Variants in HSCB observed in about 807,000 individuals in gnomAD.
HSCB encodes the protein iron-sulfur cluster co-chaperone protein HscB.
A neutral mutation model predicts 31.3 loss-of-function variants in HSCB; 23 were observed. The observed-to-expected ratio is 0.74, with a 90% CI of 0.53 to 1.04. The LOEUF is 1.04. Among genes scored for constraint, HSCB ranks in the 50% least tolerant of loss-of-function variants. HSCB has a pLI of 0.00. For missense variants in HSCB, 297 were observed against 288.1 expected, an observed-to-expected ratio of 1.03 and a Z score of -0.22; for synonymous variants, 110 against 104.5, an observed-to-expected ratio of 1.05 and a Z score of -0.32.
At chr22:28,743,596 G>T (rs1569182610) in intron 1 of HSCB, among the ~76,000 whole-genome samples, 1 of 152,056 alleles carries the variant, frequency 6.6e-6, no homozygotes, top group Admixed American at 6.6e-5. Context: ...TCCCCATCTT[G>T]CTCCCACCTC....
At chr22:28,749,373 T>C (rs1379498210) in intron 4 of HSCB, among the ~76,000 whole-genome samples, 1 of 152,096 alleles carries the variant, frequency 6.6e-6, no homozygotes, top group Non-Finnish European at 1.5e-5. Context: ...AACCCCTCCT[T>C]CTTCAGATCT....
At chr22:28,753,555 C>T (rs1451964610) in intron 5 of HSCB, among the ~76,000 whole-genome samples, 1 of 142,288 alleles carries the variant, frequency 7.0e-6, no homozygotes, top group African/African-American at 2.6e-5. Flanking sequence ...AATTCTGACA[C>T]CAGCCGGGCA....
intron 4 of HSCB, among the ~76,000 whole-genome samples, chr22:28,747,965 C>T (rs1454936885): frequency 1.3e-5 from 2 of 152,102 alleles, no homozygotes; most frequent in Non-Finnish European, 2.9e-5. Context: ...GCAGGCAGAT[C>T]ACGAGGTCAG....
chr22:28,752,690 C>T (rs548867914), intron 5 of HSCB, among the ~76,000 whole-genome samples: 127 of 149,596 alleles, frequency 8.5e-4, no homozygotes, highest in African/African-American at 3.0e-3. Context: ...GCAGAGATCG[C>T]GCCACTGCAC....
chr22:28,742,580 T>TA, intron 1 of HSCB: 1 of 462,486 alleles, frequency 2.2e-6, no homozygotes, highest in Non-Finnish European at 3.6e-6. Flanking sequence ...GCGCTGAAGT[T>TA]AGAGGAAATA....
Position 28,751,252 on chromosome 22 carries a change from GA to G in HSCB, c.582del (p.Glu194AspfsTer6). On this transcript the variant is annotated frameshift_variant, in exon 5 of 6. Transcript: ENST00000216027. LOFTEE classifies it high-confidence loss of function. ...IESIVKAKQK[E>X]FTDNVSSAFE... The stretch of plus-strand genomic sequence containing the variant: ...GTTTTCTTTTTCAGCTAAACAGAAA[GA>G]ATTTACTGACAATGTGAGCAGTGCT... 6.3e-7 allele frequency: 1 copy of G among 1,598,202 alleles called. No individual in the cohort carries two copies. Among genetic ancestry groups the G allele is most frequent in the Non-Finnish European group, 8.6e-7 (1 of 1,169,218 alleles).
Position 28,750,945 on chromosome 22 carries a change from C to CTTTTTTTTTTT in HSCB, c.569-282_569-272dup, listed in dbSNP as rs758451182. Reference sequence around the variant, plus strand: ...GGAGATAATCAAAGTATATCTTTGTCTTTTTTTTTTTTTTTTTTTTTTTTA... The same window carrying CTTTTTTTTTTT: ...GGAGATAATCAAAGTATATCTTTGTCTTTTTTTTTTTTTTTTTTTTTTTTTTTTTTTTTTTA... On this transcript the variant is annotated intron_variant, in intron 4 of 5. Transcript: ENST00000216027. Among the ~76,000 whole-genome samples the CTTTTTTTTTTT allele has an allele frequency of 4.5e-3, 253 of 56,298 alleles. 19 individuals are homozygous for CTTTTTTTTTTT. Among genetic ancestry groups the CTTTTTTTTTTT allele is most frequent in the East Asian group, 0.033 (32 of 974 alleles). 36.9% of individuals were successfully genotyped at this position (56,298 alleles called of 152,430 possible).
chr22:28,747,439 T>C (rs1000056953), intron 4 of HSCB, among the ~76,000 whole-genome samples: 5 of 152,146 alleles, frequency 3.3e-5, no homozygotes, highest in Admixed American at 6.5e-5. Flanking sequence ...TAGCTGGGAC[T>C]ACAGGCATGC....
chr22:28,749,571 A>T (rs2030080473), intron 4 of HSCB, among the ~76,000 whole-genome samples: 1 of 152,182 alleles, frequency 6.6e-6, no homozygotes, highest in South Asian at 2.1e-4. Flanking sequence ...CTTCCCTCAC[A>T]TCCTCAGCTC....
At chr22:28,753,342 A>G (rs892871151) in intron 5 of HSCB, among the ~76,000 whole-genome samples, 11 of 146,296 alleles carry the variant, frequency 7.5e-5, no homozygotes, top group African/African-American at 2.3e-4. Flanking sequence ...CCTGGCCAAC[A>G]TGGTAAAACC....
At chr22:28,745,331 CGAG>C in intron 3 of HSCB, 1 of 115,680 alleles carries the variant, frequency 8.6e-6, no homozygotes, top group Non-Finnish European at 2.0e-5. Context: ...GGGTGGATCA[CGAG>C]GTCAGGAGTT....
chr22:28,742,137 G>C lies in HSCB; in HGVS notation c.42G>C (p.Gly14=). The change falls in exon 1 of 6, where the codon GGG becomes GGC. Residue 14 remains glycine (G), a synonymous_variant. Coordinates refer to ENST00000216027, the MANE Select transcript of HSCB (RefSeq NM_172002.5). ...CCGGGGCTTTGCTCCGGGTGTGGGG[G>C]TTTTGGCCGACAGGGGTTCCCAGAA... is the stretch of plus-strand genomic sequence containing the variant. ...GRAGALLRVW[G]FWPTGVPRRR... 6.2e-7 allele frequency: 1 copy of C among 1,612,454 alleles called. No individual in the cohort carries two copies. Among genetic ancestry groups the C allele is most frequent in the African/African-American group, 1.3e-5 (1 of 75,044 alleles).
At position 28,757,058 on chromosome 22, in the gene HSCB, A is replaced by C. The variant is rs1254664722; in HGVS notation, c.617-20A>C. On this transcript the variant is annotated intron_variant, in intron 5 of 5. Transcript: ENST00000216027. ...CTTGCTTGAAATGAAGCCTGACTTC[A>C]GTGTCTCTGTCTATTTCAGATGACT... 1 of 1,363,242 alleles carries C rather than the reference A, an allele frequency of 7.3e-7. No homozygotes were observed. Among genetic ancestry groups the C allele is most frequent in the Non-Finnish European group, 1.1e-6 (1 of 952,078 alleles). 84.4% of individuals were successfully genotyped at this position (1,363,242 alleles called of 1,614,324 possible).
Position 28,751,273 on chromosome 22 carries a change from A to C in HSCB, c.601A>C (p.Ser201Arg). ...GAAAGAATTTACTGACAATGTGAGC[A>C]GTGCTTTTGAACAAGGTACTTTCTT... ...KQKEFTDNVSSAFEQDDFEEA... is the reference protein window; with the variant it reads ...KQKEFTDNVSRAFEQDDFEEA... Residue 201 changes from serine to arginine, a missense_variant, in exon 5 of 6, where the codon AGT becomes CGT. Transcript: ENST00000216027. 1 of 1,599,864 alleles carries C rather than the reference A, an allele frequency of 6.3e-7. No individual in the cohort carries two copies. Among genetic ancestry groups the C allele is most frequent in the Non-Finnish European group, 8.5e-7 (1 of 1,170,914 alleles).
chr22:28,750,247 CAAAAAAAAAAAAAAAAAAAA>C (rs563701958), intron 4 of HSCB, among the ~76,000 whole-genome samples: 1 of 64,698 alleles, frequency 1.5e-5, no homozygotes, highest in Non-Finnish European at 3.1e-5. Context: ...GAAACTGTCT[CAAAAAAAAAAAAAAAAAAAA>C]AAAAAAAAAC....
Position 28,757,319 on chromosome 22 carries a change from T to C in HSCB, c.*150T>C. On this transcript the variant is annotated 3_prime_UTR_variant, in exon 6 of 6. Transcript: ENST00000216027. ...GGCCAACATAGTGAAACCCCGTCTC[T>C]GCTGAAAATACAAAAATTAGCCGGG... 2.1e-6 allele frequency: 1 copy of C among 481,522 alleles called. No homozygotes were observed. Among genetic ancestry groups the C allele is most frequent in the South Asian group, 2.1e-5 (1 of 48,530 alleles). The allele number at this position is 481,522 out of a possible 1,614,324, so 29.8% of individuals were successfully genotyped here.
At chr22:28,751,839 C>A (rs1026413782) in intron 5 of HSCB, among the ~76,000 whole-genome samples, 1 of 151,976 alleles carries the variant, frequency 6.6e-6, no homozygotes, top group African/African-American at 2.4e-5. Flanking sequence ...CCTGTTATCC[C>A]AACACTTTGG....
chr22:28,749,737 A>G (rs2030088599), intron 4 of HSCB, among the ~76,000 whole-genome samples: 2 of 152,180 alleles, frequency 1.3e-5, no homozygotes, highest in Non-Finnish European at 2.9e-5. Context: ...TTGTAGGGAT[A>G]AGAGAAACTC....
intron 4 of HSCB, among the ~76,000 whole-genome samples, chr22:28,747,623 C>T (rs916819294): frequency 6.6e-6 from 1 of 152,150 alleles, no homozygotes; most frequent in Middle Eastern, 3.2e-3. Flanking sequence ...TTTGATCAAG[C>T]AACTGGGCAC....
Sources: gnomAD v4.1 joint callset for allele counts (sites outside exome capture counted in the v4.1 genomes callset) on GRCh38, gnomAD v4.1.1 for gene constraint, MANE v1.5 for transcripts, NCBI Gene and HGNC (gene_info 2026-07-23, HGNC 2026-07-21) for gene names.